The following PRKG1 variants were observed in gnomAD, a reference collection of about 807,000 sequenced individuals.
PRKG1 encodes the protein protein kinase cGMP-dependent 1, also known as cGMP-dependent protein kinase 1.
A neutral mutation model predicts 88.1 loss-of-function variants in PRKG1; 35 were observed. The ratio of observed to expected loss-of-function variants is 0.40; its 90% CI spans 0.30 to 0.53. PRKG1 has a LOEUF of 0.53. PRKG1 is among the 20% of genes least tolerant of loss of function. PRKG1 has a pLI of 0.59. For missense variants in PRKG1, 540 were observed against 839.8 expected, an observed-to-expected ratio of 0.64 and a Z score of 4.41; for synonymous variants, 303 against 292.5, an observed-to-expected ratio of 1.04 and a Z score of -0.37.
intron 3 of PRKG1, among the ~76,000 whole-genome samples, chr10:51,654,898 T>G (rs1175473835): frequency 1.3e-5 from 2 of 152,188 alleles, no homozygotes; most frequent in African/African-American, 4.8e-5. Context: ...TCCTACTGGG[T>G]GCATGTCTTC....
At chr10:51,735,946 T>C (rs1222504857) in intron 3 of PRKG1, among the ~76,000 whole-genome samples, 1 of 141,194 alleles carries the variant, frequency 7.1e-6, no homozygotes, top group Non-Finnish European at 1.5e-5. Context: ...TTTTTTTTTT[T>C]TTTTTTGGAG....
intron 3 of PRKG1, among the ~76,000 whole-genome samples, chr10:51,578,752 C>T (rs1264004097): frequency 6.6e-6 from 1 of 152,018 alleles, no homozygotes; most frequent in Admixed American, 6.6e-5. Context: ...TAGAAGACAC[C>T]ATGTTACTCA....
At chr10:51,195,695 A>G (rs917082397) in intron 2 of PRKG1, among the ~76,000 whole-genome samples, 3 of 152,206 alleles carry the variant, frequency 2.0e-5, no homozygotes, top group African/African-American at 7.2e-5. Flanking sequence ...TTAAGACTTA[A>G]GACTATGGTT....
chr10:51,306,973 A>T (rs7072335), intron 2 of PRKG1, among the ~76,000 whole-genome samples: 1 of 151,992 alleles, frequency 6.6e-6, no homozygotes, highest in South Asian at 2.1e-4. Flanking sequence ...ACCATCTTCC[A>T]CCTGCTGCCT....
chr10:51,038,029 A>C (rs895927830), intron 1 of PRKG1, among the ~76,000 whole-genome samples: 1 of 152,178 alleles, frequency 6.6e-6, no homozygotes, highest in Admixed American at 6.6e-5. Flanking sequence ...GTCAGGCCAG[A>C]ACCAATTATG....
At chr10:51,308,599 C>G (rs567483786) in intron 2 of PRKG1, among the ~76,000 whole-genome samples, 1 of 152,056 alleles carries the variant, frequency 6.6e-6, no homozygotes, top group South Asian at 2.1e-4. Context: ...TCTCACTGGT[C>G]CCTAACAATC....
intron 2 of PRKG1, among the ~76,000 whole-genome samples, chr10:51,432,953 G>A (rs1838812175): frequency 6.6e-6 from 1 of 152,106 alleles, no homozygotes; most frequent in South Asian, 2.1e-4. Flanking sequence ...AGACTGTACA[G>A]CTTAAGACAG....
intron 2 of PRKG1, among the ~76,000 whole-genome samples, chr10:51,404,599 A>T (rs1459544732): frequency 1.3e-5 from 2 of 152,214 alleles, no homozygotes; most frequent in Non-Finnish European, 2.9e-5. Flanking sequence ...CTTGGGTGGA[A>T]ATCCTTGTTT....
intron 4 of PRKG1, among the ~76,000 whole-genome samples, chr10:51,819,758 T>C (rs1427871631): frequency 1.3e-5 from 2 of 152,062 alleles, no homozygotes; most frequent in Non-Finnish European, 2.9e-5. Flanking sequence ...CAGGGGCACA[T>C]AGGGACAGAT....
intron 1 of PRKG1, among the ~76,000 whole-genome samples, chr10:50,992,661 A>G (rs1042279567): frequency 1.3e-5 from 2 of 152,226 alleles, no homozygotes; most frequent in Admixed American, 1.3e-4. Context: ...TGGGGTGTGC[A>G]GAGGAGGCTG....
chr10:51,416,912 C>T lies in PRKG1; in HGVS notation c.479-50811C>T, dbSNP rs142156228. Among the ~76,000 whole-genome samples the T allele has an allele frequency of 2.3e-4, 35 of 152,156 alleles. 1 individual carries two copies. In the East Asian group the frequency reaches 4.8e-3, roughly 21 times the overall value. On this transcript the variant is annotated intron_variant, in intron 2 of 17. Transcript: ENST00000373980. ...ATAAAAACATATTGTTAGCAAATTC[C>T]GAAAAGATAGTTCTATTTATCAGAT... is the stretch of plus-strand genomic sequence containing the variant.
At chr10:51,654,493 C>A (rs986328677) in intron 3 of PRKG1, among the ~76,000 whole-genome samples, 2 of 151,930 alleles carry the variant, frequency 1.3e-5, no homozygotes, top group African/African-American at 4.8e-5. Flanking sequence ...GCTGAAGATT[C>A]CTTTGGTTAT....
At chr10:51,544,457 G>A (rs1485411716) in intron 3 of PRKG1, among the ~76,000 whole-genome samples, 1 of 151,878 alleles carries the variant, frequency 6.6e-6, no homozygotes, top group Non-Finnish European at 1.5e-5. Flanking sequence ...GTCTATCATT[G>A]ATGGACATTT....
intron 2 of PRKG1, among the ~76,000 whole-genome samples, chr10:51,354,392 C>T (rs906567592): frequency 6.6e-6 from 1 of 152,036 alleles, no homozygotes; most frequent in Non-Finnish European, 1.5e-5. Flanking sequence ...TTACACTTTG[C>T]ATGTCTGTAT....
At chr10:51,096,402 G>T (rs1478875407) in intron 1 of PRKG1, among the ~76,000 whole-genome samples, 3 of 152,152 alleles carry the variant, frequency 2.0e-5, no homozygotes, top group African/African-American at 7.2e-5. Flanking sequence ...TAGCCTCATG[G>T]TTGCAAAAAC....
intron 5 of PRKG1, among the ~76,000 whole-genome samples, chr10:51,996,689 T>G (rs1413253814): frequency 6.6e-6 from 1 of 152,162 alleles, no homozygotes; most frequent in African/African-American, 2.4e-5. Context: ...TTTGTGAGAA[T>G]GTAAATTAGT....
intron 3 of PRKG1, among the ~76,000 whole-genome samples, chr10:51,682,430 C>A (rs1167556867): frequency 6.6e-6 from 1 of 152,122 alleles, no homozygotes; most frequent in Non-Finnish European, 1.5e-5. Context: ...CTTTCCTCTT[C>A]TGAAGTAGAA....
At chr10:52,224,836 T>TATATATATATATATATACAC (rs1457134141) in intron 9 of PRKG1, among the ~76,000 whole-genome samples, 1 of 89,886 alleles carries the variant, frequency 1.1e-5, no homozygotes, top group South Asian at 4.4e-4. Context: ...TATATATATA[T>TATATATATATATATATACAC]ATACATACAT....
intron 3 of PRKG1, among the ~76,000 whole-genome samples, chr10:51,565,327 G>A (rs1837571134): frequency 6.6e-6 from 1 of 152,038 alleles, no homozygotes; most frequent in Non-Finnish European, 1.5e-5. Flanking sequence ...GCTCTGATGA[G>A]CATATACCCC....
Sources: gnomAD v4.1 joint callset for allele counts (sites outside exome capture counted in the v4.1 genomes callset) on GRCh38, gnomAD v4.1.1 for gene constraint, MANE v1.5 for transcripts, NCBI Gene and HGNC (gene_info 2026-07-23, HGNC 2026-07-21) for gene names.